The following MAPK8 variants were observed in gnomAD, a reference collection of about 807,000 sequenced individuals.
The protein encoded by MAPK8 is mitogen-activated protein kinase 8.
MAPK8 carries 13 observed loss-of-function variants against 52.9 expected under a neutral mutation model. That is an observed-to-expected ratio of 0.25 (90% CI 0.16 to 0.39). The LOEUF (loss-of-function observed/expected upper bound fraction) is 0.39, where lower values mean the gene tolerates loss of function less well. MAPK8 is among the 10% of genes least tolerant of loss of function. The pLI is 1.00. For missense variants in MAPK8, 300 were observed against 519.2 expected (o/e 0.58, Z 4.10); for synonymous variants, 191 against 169.8 (o/e 1.12, Z -0.97).
chr10:48,407,722 T>A (rs2042546349), intron 3 of MAPK8, among the ~76,000 whole-genome samples: 1 of 152,184 alleles, frequency 6.6e-6, no homozygotes, highest in Non-Finnish European at 1.5e-5. Context: ...AGAATAATTT[T>A]ATCACCTCAG....
chr10:48,375,802 G>A (rs2040623594), intron 1 of MAPK8, among the ~76,000 whole-genome samples: 1 of 152,172 alleles, frequency 6.6e-6, no homozygotes, highest in Non-Finnish European at 1.5e-5. Flanking sequence ...TCATGAAAAT[G>A]GCCATACTGC....
intron 1 of MAPK8, among the ~76,000 whole-genome samples, chr10:48,309,957 C>T (rs1007426176): frequency 1.3e-5 from 2 of 152,170 alleles, no homozygotes; most frequent in African/African-American, 4.8e-5. Flanking sequence ...TGCTGATTGT[C>T]TTAATCATGA....
intron 11 of MAPK8, among the ~76,000 whole-genome samples, chr10:48,432,804 A>G (rs2044438688): frequency 6.6e-6 from 1 of 152,246 alleles, no homozygotes; most frequent in Admixed American, 6.5e-5. Flanking sequence ...AAAATAAGTC[A>G]GTGAAAAAGA....
intron 1 of MAPK8, among the ~76,000 whole-genome samples, chr10:48,382,196 A>G (rs1168400464): frequency 6.6e-6 from 1 of 152,204 alleles, no homozygotes; most frequent in Non-Finnish European, 1.5e-5. Context: ...TCAGACATCT[A>G]GTAGAGAAAG....
intron 1 of MAPK8, among the ~76,000 whole-genome samples, chr10:48,320,243 T>TTA (rs1554809169): frequency 7.5e-6 from 1 of 133,396 alleles, no homozygotes; most frequent in African/African-American, 3.1e-5. Flanking sequence ...TTTTTTTTTT[T>TTA]AAATTAGATC....
intron 1 of MAPK8, among the ~76,000 whole-genome samples, chr10:48,379,938 T>TAAAAAAAAAAAAAAA (rs373050540): frequency 8.6e-6 from 1 of 115,916 alleles, no homozygotes. Context: ...ACAAAGCTCT[T>TAAAAAAAAAAAAAAA]AAAAAAAAAA....
chr10:48,401,584 T>G, intron 1 of MAPK8, 28 bp from the exon 2 acceptor site: 1 of 1,500,536 alleles, frequency 6.7e-7, no homozygotes, highest in East Asian at 2.3e-5. Flanking sequence ...TTCATTTTGT[T>G]AACATCATGT....
chr10:48,428,882 A>G (rs754366459), intron 10 of MAPK8, among the ~76,000 whole-genome samples: 3 of 151,338 alleles, frequency 2.0e-5, no homozygotes, highest in Non-Finnish European at 4.4e-5. Flanking sequence ...GTGCAGTGGT[A>G]TGATCATGGC....
chr10:48,401,494 C>G (rs2042157006), intron 1 of MAPK8, 118 bp from the exon 2 acceptor site: 1 of 560,958 alleles, frequency 1.8e-6, no homozygotes, highest in Non-Finnish European at 3.1e-6. Flanking sequence ...TTTAATGAAG[C>G]AGCTCTTTTC....
chr10:48,353,259 CAG>C (rs1846518037), intron 1 of MAPK8, among the ~76,000 whole-genome samples: 1 of 152,108 alleles, frequency 6.6e-6, no homozygotes, highest in African/African-American at 2.4e-5. Context: ...TATGAAAAGA[CAG>C]AAGAACCAGA....
intron 1 of MAPK8, among the ~76,000 whole-genome samples, chr10:48,356,896 T>TA: frequency 1.6e-5 from 1 of 63,322 alleles, no homozygotes; most frequent in African/African-American, 5.8e-5. Flanking sequence ...CTACGTAGTT[T>TA]ACCAAAAAAA....
intron 1 of MAPK8, among the ~76,000 whole-genome samples, chr10:48,344,757 C>T (rs1393798360): frequency 6.6e-6 from 1 of 152,108 alleles, no homozygotes; most frequent in East Asian, 1.9e-4. Flanking sequence ...CTTGGGGAGA[C>T]AGTGTGTTTG....
At chr10:48,368,631 T>A (rs1481784525) in intron 1 of MAPK8, among the ~76,000 whole-genome samples, 14 of 152,190 alleles carry the variant, frequency 9.2e-5, no homozygotes, top group Non-Finnish European at 2.1e-4. Context: ...AGAAATTAAC[T>A]GTGGTATGAT....
intron 1 of MAPK8, among the ~76,000 whole-genome samples, chr10:48,400,978 TTCTC>T (rs2042131217): frequency 6.6e-6 from 1 of 152,152 alleles, no homozygotes; most frequent in Admixed American, 6.5e-5. Context: ...GCCTAACTAC[TTCTC>T]TCTCTCTCCT....
Position 48,426,447 on chromosome 10 carries a change from T to G in MAPK8, c.939T>G (p.Asp313Glu), listed in dbSNP as rs540242907. Residue 313 changes from aspartate (D) to glutamate (E), a missense_variant, in exon 9 of 12, where the codon GAT becomes GAG. Physicochemically the swap from Asp to Glu is conservative, Grantham distance 45. Coordinates refer to ENST00000374189, the MANE Select transcript of MAPK8 (RefSeq NM_001323329.2). ...VIDASKRISVDEALQHPYINV... is the reference protein window; with the variant it reads ...VIDASKRISVEEALQHPYINV... ...ATGCATCTAAAAGGATCTCTGTAGA[T>G]GAAGCTCTCCAACACCCGTACATCA... 18 of 1,612,062 alleles carry G rather than the reference T, an allele frequency of 1.1e-5. No homozygotes were observed. Among genetic ancestry groups the G allele is most frequent in the Admixed American group, 5.0e-5 (3 of 59,592 alleles).
intron 1 of MAPK8, among the ~76,000 whole-genome samples, chr10:48,379,075 T>C (rs2040838255): frequency 6.6e-6 from 1 of 152,352 alleles, no homozygotes. Context: ...TGAAACTTTT[T>C]CGTTAGAAAT....
chr10:48,317,816 T>TTAA (rs1406816219), intron 1 of MAPK8, among the ~76,000 whole-genome samples: 34 of 152,292 alleles, frequency 2.2e-4, no homozygotes, highest in Admixed American at 2.2e-3. Flanking sequence ...AAGCATGAGA[T>TTAA]TCATACGGGC....
intron 1 of MAPK8, among the ~76,000 whole-genome samples, chr10:48,384,768 C>T (rs899405914): frequency 6.6e-6 from 1 of 152,200 alleles, no homozygotes; most frequent in African/African-American, 2.4e-5. Flanking sequence ...ATGAGAGTTT[C>T]ATAGTTGGCC....
At chr10:48,352,847 C>T (rs1261642905) in intron 1 of MAPK8, among the ~76,000 whole-genome samples, 1 of 152,138 alleles carries the variant, frequency 6.6e-6, no homozygotes, top group Non-Finnish European at 1.5e-5. Flanking sequence ...GTGACGTGAT[C>T]ATCTGTTTAG....
Sources: gnomAD v4.1 joint callset for allele counts (sites outside exome capture counted in the v4.1 genomes callset) on GRCh38, gnomAD v4.1.1 for gene constraint, MANE v1.5 for transcripts, NCBI Gene and HGNC (gene_info 2026-07-23, HGNC 2026-07-21) for gene names.